Variants in BACH2 observed in about 807,000 individuals in gnomAD.
The protein encoded by BACH2 is BACH transcriptional regulator 2.
Under a neutral mutation model 61.8 loss-of-function variants are expected in BACH2, and 5 were observed. The observed-to-expected ratio is 0.08, with a 90% CI of 0.04 to 0.17. The LOEUF is 0.17. Among genes scored for constraint, BACH2 ranks in the 10% least tolerant of loss-of-function variants. The pLI is 1.00. For synonymous variants in BACH2, 446 were observed against 440.1 expected, an observed-to-expected ratio of 1.01 and a Z score of -0.17; for missense variants, 824 against 1,091.1, an observed-to-expected ratio of 0.76 and a Z score of 3.45.
At chr6:90,150,190 C>T (rs932808172) in intron 4 of BACH2, among the ~76,000 whole-genome samples, 4 of 152,138 alleles carry the variant, frequency 2.6e-5, no homozygotes, top group African/African-American at 9.7e-5. Flanking sequence ...GTCTCTCATG[C>T]CCGTGCCAGT....
intron 7 of BACH2, among the ~76,000 whole-genome samples, chr6:89,943,837 A>G (rs1158513847): frequency 1.3e-5 from 2 of 152,216 alleles, no homozygotes; most frequent in Admixed American, 1.3e-4. Context: ...GTAGGGTCAC[A>G]TTAGCATGAT....
At chr6:90,021,807 C>T (rs1329707822) in intron 5 of BACH2, among the ~76,000 whole-genome samples, 1 of 152,314 alleles carries the variant, frequency 6.6e-6, no homozygotes, top group East Asian at 1.9e-4. Flanking sequence ...AACTGCAGTG[C>T]TTGTCACTTA....
At chr6:89,981,433 G>T (rs549080712) in intron 6 of BACH2, among the ~76,000 whole-genome samples, 2 of 152,208 alleles carry the variant, frequency 1.3e-5, no homozygotes, top group African/African-American at 4.8e-5. Flanking sequence ...GAGCCACCGC[G>T]CCTGGCCGAT....
chr6:90,245,000 C>G (rs569545600), intron 3 of BACH2, among the ~76,000 whole-genome samples: 2 of 152,128 alleles, frequency 1.3e-5, no homozygotes, highest in South Asian at 4.2e-4. Flanking sequence ...TCGAGACCAG[C>G]TTGGCCAACA....
intron 4 of BACH2, among the ~76,000 whole-genome samples, chr6:90,163,453 T>C (rs990321857): frequency 1.5e-4 from 23 of 152,168 alleles, no homozygotes; most frequent in Non-Finnish European, 2.6e-4. Context: ...GCCCCACTAA[T>C]TTTTATTTGA....
chr6:89,978,633 T>TAAAAAAAAAAAAA (rs753724278), intron 6 of BACH2, among the ~76,000 whole-genome samples: 24 of 86,036 alleles, frequency 2.8e-4, no homozygotes, highest in East Asian at 5.9e-4. Flanking sequence ...GTGTTGGCTT[T>TAAAAAAAAAAAAA]AAAAAAAAAA....
At chr6:89,988,555 C>T (rs12204127) in intron 6 of BACH2, among the ~76,000 whole-genome samples, 24,085 of 152,044 alleles carry the variant, frequency 0.16, 2,389 homozygotes, top group Middle Eastern at 0.23. Flanking sequence ...AGGACAGAAC[C>T]GGGTAATCTC....
At chr6:90,218,401 G>T (rs1769613700) in intron 3 of BACH2, among the ~76,000 whole-genome samples, 2 of 152,068 alleles carry the variant, frequency 1.3e-5, no homozygotes, top group East Asian at 1.9e-4. Context: ...CCTCAGTCTA[G>T]CTGCCTCACT....
chr6:90,138,650 T>C (rs1784362884), intron 4 of BACH2, among the ~76,000 whole-genome samples: 1 of 152,016 alleles, frequency 6.6e-6, no homozygotes, highest in African/African-American at 2.4e-5. Flanking sequence ...CCAATATGAA[T>C]TACTGAGGCG....
At chr6:90,138,348 CA>C (rs1334685327) in intron 4 of BACH2, among the ~76,000 whole-genome samples, 2 of 152,078 alleles carry the variant, frequency 1.3e-5, no homozygotes, top group Non-Finnish European at 2.9e-5. Context: ...ACTAAAAATA[CA>C]AAAATTAGCC....
At chr6:90,098,511 A>ATTTAAATAAC (rs1178340376) in intron 4 of BACH2, among the ~76,000 whole-genome samples, 5 of 152,204 alleles carry the variant, frequency 3.3e-5, no homozygotes, top group African/African-American at 1.2e-4. Context: ...TAAGAGAAAC[A>ATTTAAATAAC]TTTAAATAAC....
At chr6:90,088,009 A>G (rs1582337931) in intron 5 of BACH2, among the ~76,000 whole-genome samples, 1 of 144,062 alleles carries the variant, frequency 6.9e-6, no homozygotes, top group Admixed American at 7.0e-5. Context: ...TAACTATCCC[A>G]CCTCCATGCC....
At chr6:90,130,486 C>T (rs1208700345) in intron 4 of BACH2, among the ~76,000 whole-genome samples, 5 of 152,138 alleles carry the variant, frequency 3.3e-5, no homozygotes, top group African/African-American at 2.4e-5. Flanking sequence ...AGAGTATGAC[C>T]CTGAGCGTGA....
chr6:90,137,093 A>G (rs895256992), intron 4 of BACH2, among the ~76,000 whole-genome samples: 1 of 152,206 alleles, frequency 6.6e-6, no homozygotes. Flanking sequence ...GAAGCCAGGA[A>G]GAGAACAGAC....
At chr6:90,265,094 G>A (rs1345920983) in intron 2 of BACH2, among the ~76,000 whole-genome samples, 2 of 152,170 alleles carry the variant, frequency 1.3e-5, no homozygotes, top group Non-Finnish European at 2.9e-5. Flanking sequence ...CTCCATTTCA[G>A]ACAAAACATG....
At chr6:90,258,304 T>C (rs532555928) in intron 2 of BACH2, among the ~76,000 whole-genome samples, 1 of 152,306 alleles carries the variant, frequency 6.6e-6, no homozygotes, top group South Asian at 2.1e-4. Context: ...TTTCTTAACA[T>C]CCTATCAAAG....
intron 2 of BACH2, among the ~76,000 whole-genome samples, chr6:90,264,293 G>C (rs940674888): frequency 1.3e-5 from 2 of 151,926 alleles, no homozygotes; most frequent in African/African-American, 4.8e-5. Context: ...AGGTCTTCAG[G>C]GAAAAATGTC....
chr6:90,260,022 C>T lies in BACH2; in HGVS notation c.-352-7432G>A, dbSNP rs565552770. On this transcript the variant is annotated intron_variant, in intron 2 of 8. Transcript: ENST00000257749. ...AACCCAACTCTTAAGTTTATTGATT[C>T]TTCCTGTGGCTTTTCTATTATCCAT... Among the ~76,000 whole-genome samples, 4 of 150,590 alleles carry T rather than the reference C, an allele frequency of 2.7e-5. No individual in the cohort carries two copies. The East Asian group carries it at 7.7e-4, about 29-fold the overall frequency.
At chr6:90,081,875 G>A (rs192234443) in intron 5 of BACH2, among the ~76,000 whole-genome samples, 119 of 151,944 alleles carry the variant, frequency 7.8e-4, no homozygotes, top group Non-Finnish European at 1.0e-3. Context: ...TCCTAACCTT[G>A]GCCAAGTGTT....
Sources: allele counts gnomAD v4.1 joint callset (sites outside exome capture counted in the v4.1 genomes callset), GRCh38; gene constraint gnomAD v4.1.1; transcripts MANE v1.5; gene names NCBI Gene and HGNC (gene_info 2026-07-23, HGNC 2026-07-21).